The following CELSR1 variants were observed in gnomAD, a reference collection of about 807,000 sequenced individuals.
CELSR1 encodes cadherin EGF LAG seven-pass G-type receptor 1.
Under a neutral mutation model 249.1 loss-of-function variants are expected in CELSR1, and 110 were observed. The observed-to-expected ratio is 0.44, with a 90% confidence interval of 0.38 to 0.52. The LOEUF (loss-of-function observed/expected upper bound fraction) is 0.52. Ranked by LOEUF, CELSR1 falls within the 20% of genes least tolerant of loss-of-function variation. The pLI is 0.00. For missense variants in CELSR1, 4,109 were observed against 4,296.4 expected, an observed-to-expected ratio of 0.96 and a Z score of 1.22; for synonymous variants, 2,113 against 1,900.0, an observed-to-expected ratio of 1.11 and a Z score of -2.92.
At chr22:46,485,857 G>A (rs1026414500) in intron 1 of CELSR1, among the ~76,000 whole-genome samples, 5 of 150,912 alleles carry the variant, frequency 3.3e-5, no homozygotes, top group African/African-American at 9.8e-5. Context: ...TGCTTGTGTC[G>A]TTTGTCTATG....
In CELSR1 at chr22:46,396,792, C is replaced by G. The variant is rs74788410; in HGVS notation, c.5702-46G>C. On this transcript the variant is annotated intron_variant, in intron 12 of 34. Transcript: ENST00000674500. This position sits in a 1 kb window ranked among gnomAD's most constrained non-coding sequence, Gnocchi z 6.4. ...TTACCTCCACCCACAATCCACGAGA[C>G]CTTCCACGTTAAAATATCTGGAGCA... is the stretch of plus-strand genomic sequence containing the variant. 2 of 1,593,888 alleles carry G rather than the reference C, an allele frequency of 1.3e-6. No homozygotes were observed. The highest frequency in any genetic ancestry group is 1.3e-5 in the African/African-American group (1 of 74,206).
chr22:46,489,562 C>T (rs1180776148), intron 1 of CELSR1, among the ~76,000 whole-genome samples: 14 of 152,016 alleles, frequency 9.2e-5, no homozygotes, highest in Non-Finnish European at 2.9e-5. Context: ...CACACTTGGA[C>T]AGAGCTGGGT....
chr22:46,522,006 G>T (rs951842298), intron 1 of CELSR1, among the ~76,000 whole-genome samples: 2 of 152,154 alleles, frequency 1.3e-5, no homozygotes, highest in African/African-American at 2.4e-5. Flanking sequence ...CCTTCAACAC[G>T]TGTTTTCTGA....
rs1011535471 is a variant in CELSR1, at chr22:46,441,097, G to A, written c.4184-1686C>T. 6.6e-6 allele frequency among the ~76,000 whole-genome samples: 1 copy of A among 150,930 alleles called. No individual in the cohort carries two copies. Among genetic ancestry groups the A allele is most frequent in the African/African-American group, 2.4e-5 (1 of 40,954 alleles). On this transcript the variant is annotated intron_variant, in intron 2 of 34. Transcript: ENST00000674500. The surrounding 1 kb of genome is among the most constrained non-coding windows in gnomAD (Gnocchi z 6.1). The stretch of plus-strand genomic sequence containing the variant: ...CAACCCGGGAGGCGGAGGTTGTAGC[G>A]AGCCGAGGTCACACTACCGCACTCC...
intron 5 of CELSR1, among the ~76,000 whole-genome samples, chr22:46,426,644 C>G (rs987275615): frequency 9.2e-5 from 14 of 152,106 alleles, no homozygotes; most frequent in African/African-American, 3.4e-4. Context: ...GAAGTGTCCC[C>G]CAAAGTTCAC....
chr22:46,364,179 C>A lies in CELSR1; in HGVS notation c.8852G>T (p.Arg2951Leu). Residue 2951 changes from arginine to leucine, a missense_variant, in exon 34 of 35, where the codon CGG becomes CTG. Arg to Leu is a moderately radical substitution (Grantham distance 102). This residue lies in a region of CELSR1 where 1,805 missense variants were observed against 1,831.6 expected (regional missense o/e 0.99). Coordinates refer to ENST00000674500, the MANE Select transcript of CELSR1 (RefSeq NM_001378328.1). Reference protein sequence around the residue: ...LTEQTLKGRLREKLADCEQSP... With the variant: ...LTEQTLKGRLLEKLADCEQSP... Reference sequence around the variant, plus strand: ...CTGCTCACAGTCGGCCAGCTTCTCCCGGAGCCGGCCCTTCAGCGTCTGCTC... The same window carrying A: ...CTGCTCACAGTCGGCCAGCTTCTCCAGGAGCCGGCCCTTCAGCGTCTGCTC... 6.2e-7 allele frequency: 1 copy of A among 1,612,144 alleles called. No individual in the cohort carries two copies. The highest frequency in any genetic ancestry group is 8.5e-7 in the Non-Finnish European group (1 of 1,179,810).
chr22:46,415,453 T>C (rs1459779357), intron 5 of CELSR1, among the ~76,000 whole-genome samples: 1 of 152,134 alleles, frequency 6.6e-6, no homozygotes, highest in Non-Finnish European at 1.5e-5. Context: ...CCATCCAGCC[T>C]GGGTGATGAA....
At chr22:46,483,313 G>A (rs181013711) in intron 1 of CELSR1, among the ~76,000 whole-genome samples, 18 of 150,462 alleles carry the variant, frequency 1.2e-4, no homozygotes, top group East Asian at 9.7e-4. Flanking sequence ...TGTGAGACCC[G>A]CCTCACTGGG....
chr22:46,382,470 GT>G (rs1222345343), intron 20 of CELSR1, among the ~76,000 whole-genome samples: 3 of 152,100 alleles, frequency 2.0e-5, no homozygotes, highest in Non-Finnish European at 2.9e-5. Flanking sequence ...TAGAGACAGA[GT>G]TTCACCTTGT....
intron 25 of CELSR1, 105 bp from the exon 26 acceptor site, chr22:46,369,909 C>G (rs1209177266): frequency 2.1e-6 from 2 of 940,160 alleles, no homozygotes; most frequent in African/African-American, 3.2e-5. Flanking sequence ...TCAGCATCTC[C>G]CTTCTCAGAG....
Position 46,534,948 on chromosome 22 carries a change from G to T in CELSR1, c.2223C>A (p.Gly741=). 1 of 1,612,240 alleles carries T rather than the reference G, an allele frequency of 6.2e-7. No homozygotes were observed. Among genetic ancestry groups the T allele is most frequent in the Non-Finnish European group, 8.5e-7 (1 of 1,179,904 alleles). The change falls in exon 1 of 35, where the codon GGC becomes GGA. Residue 741 remains glycine (G), a synonymous_variant. Coordinates refer to ENST00000674500, the MANE Select transcript of CELSR1 (RefSeq NM_001378328.1). The surrounding 1 kb of genome is among the most constrained non-coding windows in gnomAD (Gnocchi z 9.7). ...GAGGTAGCGCCAGGGTGATGAGGCC[G>T]CCCCCTCTCTGGCTGCTGAGTGCAA... ...NRFALSSQRG[G]GLITLALPLD...
Position 46,393,500 on chromosome 22 carries a change from G to A in CELSR1, c.5964+642C>T, listed in dbSNP as rs1347436275. Among the ~76,000 whole-genome samples the A allele has an allele frequency of 6.6e-6, 1 of 152,238 alleles. No homozygotes were observed. The highest frequency in any genetic ancestry group is 1.5e-5 in the Non-Finnish European group (1 of 68,040). On this transcript the variant is annotated intron_variant, in intron 14 of 34. Coordinates refer to ENST00000674500, the MANE Select transcript of CELSR1 (RefSeq NM_001378328.1). The surrounding 1 kb of genome is among the most constrained non-coding windows in gnomAD (Gnocchi z 4.1). ...CGCCTGTAATCCCAGCACTCTGGGA[G>A]GCTGAGGCGGGCGGATCACCTGAGG...
chr22:46,370,046 C>T (rs943531506), intron 25 of CELSR1: 7 of 600,300 alleles, frequency 1.2e-5, no homozygotes, highest in Admixed American at 1.1e-4. Context: ...AGGCAGGGGG[C>T]GTATCTGGGC....
In CELSR1 at chr22:46,373,027, G is replaced by A; in HGVS notation, c.7615C>T (p.His2539Tyr). The A allele has an allele frequency of 1.2e-6, 2 of 1,611,190 alleles. No homozygotes were observed. The highest frequency in any genetic ancestry group is 1.7e-6 in the Non-Finnish European group (2 of 1,178,882). Residue 2539 changes from histidine to tyrosine, a missense_variant, in exon 25 of 35, where the codon CAC becomes TAC. By Grantham distance (83) the His-to-Tyr change is moderately conservative. Coordinates refer to ENST00000674500, the MANE Select transcript of CELSR1 (RefSeq NM_001378328.1). Reference protein sequence around the residue: ...FLCTVVAILLHYIYMSTFAWT... With the variant: ...FLCTVVAILLYYIYMSTFAWT... ...GCAAAGGTGCTCATGTAGATGTAGT[G>A]GAGGAGGATGGCAACCACTGTGCAC... is the stretch of plus-strand genomic sequence containing the variant.
In CELSR1 at chr22:46,535,138, A is replaced by G; in HGVS notation, c.2033T>C (p.Leu678Pro). ...CACCGGGTCGTTGTCATTCACGTCCAGCACCGTGATGGACACGCTGGTGGA... is the reference window on the plus strand; with the variant it reads ...CACCGGGTCGTTGTCATTCACGTCCGGCACCGTGATGGACACGCTGGTGGA... ...SSSTSVSITV[L>P]DVNDNDPVFT... Residue 678 changes from leucine to proline, a missense_variant, in exon 1 of 35, where the codon CTG becomes CCG. Physicochemically the swap from Leu to Pro is moderately conservative, Grantham distance 98. Around this residue, in one of 7 missense-constraint regions of CELSR1, gnomAD observed 886 missense variants for 896.5 expected, o/e 0.99. Coordinates refer to ENST00000674500, the MANE Select transcript of CELSR1 (RefSeq NM_001378328.1). The G allele has an allele frequency of 6.2e-7, 1 of 1,610,914 alleles. No individual in the cohort carries two copies. Among genetic ancestry groups the G allele is most frequent in the Non-Finnish European group, 8.5e-7 (1 of 1,179,746 alleles).
chr22:46,391,412 C>T lies in CELSR1; in HGVS notation c.6149-125G>A. On this transcript the variant is annotated intron_variant, in intron 15 of 34. Transcript: ENST00000674500. The surrounding 1 kb of genome is among the most constrained non-coding windows in gnomAD (Gnocchi z 4.3). ...GCTCCCACCAAGAACCGAACCCTAG[C>T]ATCTCCCCTGCCCCCATCCATGTCA... 1 of 933,192 alleles carries T rather than the reference C, an allele frequency of 1.1e-6. No homozygotes were observed. Among genetic ancestry groups the T allele is most frequent in the Non-Finnish European group, 1.6e-6 (1 of 626,296 alleles). The allele number at this position is 933,192 out of a possible 1,614,324, so 57.8% of individuals were successfully genotyped here.
chr22:46,497,132 TATC>T (rs2080421521), intron 1 of CELSR1, among the ~76,000 whole-genome samples: 1 of 152,190 alleles, frequency 6.6e-6, no homozygotes, highest in African/African-American at 2.4e-5. Context: ...TCAGCTCCAT[TATC>T]ATCATATGAC....
At position 46,463,806 on chromosome 22, in the gene CELSR1, T is replaced by A. The variant is rs2080062419; in HGVS notation, c.4084A>T (p.Thr1362Ser). 6.2e-7 allele frequency: 1 copy of A among 1,609,468 alleles called. No individual in the cohort carries two copies. Reference sequence around the variant, plus strand: ...TCGGAGTAGCAGAGGTCGATCTCCGTCTCGCAGTAGTCGCCGGTGAAGCCG... The same window carrying A: ...TCGGAGTAGCAGAGGTCGATCTCCGACTCGCAGTAGTCGCCGGTGAAGCCG... ...PPGFTGDYCE[T>S]EIDLCYSDPC... Residue 1362 changes from threonine (T) to serine (S), a missense_variant, in exon 2 of 35, where the codon ACG (threonine) becomes TCG (serine). Thr to Ser is a moderately conservative substitution (Grantham distance 58, BLOSUM62 1). Transcript: ENST00000674500.
intron 1 of CELSR1, among the ~76,000 whole-genome samples, chr22:46,528,753 C>T (rs1307908215): frequency 6.7e-6 from 1 of 149,040 alleles, no homozygotes; most frequent in Non-Finnish European, 1.5e-5. Context: ...ACGGTGAAAC[C>T]CTGTCTCTAC....
Sources: allele counts gnomAD v4.1 joint callset (sites outside exome capture counted in the v4.1 genomes callset), GRCh38; gene constraint gnomAD v4.1.1; regional missense constraint gnomAD v4.1.1; non-coding constraint Gnocchi (gnomAD v3.1); transcripts MANE v1.5; gene names NCBI Gene and HGNC (gene_info 2026-07-23, HGNC 2026-07-21).